The following RPRD2 variants were observed in gnomAD, a reference collection of about 807,000 sequenced individuals.
The protein encoded by RPRD2 is regulation of nuclear pre-mRNA domain containing 2.
In RPRD2, 12 loss-of-function variants were observed where a neutral mutation model predicts 104.4. The observed-to-expected ratio is 0.11, with a 90% CI of 0.07 to 0.19. The LOEUF is 0.19. Among genes scored for constraint, RPRD2 ranks in the 10% least tolerant of loss-of-function variants. The pLI, the probability that RPRD2 is intolerant of heterozygous loss-of-function variation, is 1.00. For missense variants in RPRD2, 1,543 were observed against 1,790.1 expected (o/e 0.86, Z 2.49); for synonymous variants, 714 against 684.9 (o/e 1.04, Z -0.66).
At chr1:150,415,132 C>T (rs1664238842) in intron 1 of RPRD2, among the ~76,000 whole-genome samples, 1 of 152,080 alleles carries the variant, frequency 6.6e-6, no homozygotes, top group African/African-American at 2.4e-5. Context: ...CAAGACCAGC[C>T]TGCCAGCATA....
intron 2 of RPRD2, among the ~76,000 whole-genome samples, chr1:150,419,550 CTAAA>C (rs771047369): frequency 2.0e-5 from 3 of 152,130 alleles, no homozygotes; most frequent in Non-Finnish European, 4.4e-5. Flanking sequence ...TTATAATTGA[CTAAA>C]TATTATACAA....
At chr1:150,452,661 C>CTTTTTTTTTT (rs782322743) in intron 7 of RPRD2, among the ~76,000 whole-genome samples, 13 of 71,232 alleles carry the variant, frequency 1.8e-4, no homozygotes, top group South Asian at 5.7e-4. Flanking sequence ...GACATATCCC[C>CTTTTTTTTTT]TTTTTTTTTT....
chr1:150,427,017 C>T (rs780315869), intron 2 of RPRD2, among the ~76,000 whole-genome samples: 2 of 151,974 alleles, frequency 1.3e-5, no homozygotes, highest in Non-Finnish European at 2.9e-5. Context: ...TGGTGGCATG[C>T]GCCTGTAGTT....
At chr1:150,417,804 T>C (rs1156804797) in intron 2 of RPRD2, 79 bp downstream of exon 2, 16 of 1,132,126 alleles carry the variant, frequency 1.4e-5, no homozygotes, top group Non-Finnish European at 1.9e-5. Context: ...TTAAGAACTG[T>C]AATAATTGAA....
chr1:150,422,735 A>G (rs1021497663), intron 2 of RPRD2, among the ~76,000 whole-genome samples: 13 of 152,238 alleles, frequency 8.5e-5, no homozygotes, highest in Non-Finnish European at 1.3e-4. Context: ...ATTGCTGACA[A>G]AACACATTTG....
chr1:150,374,990 C>G (rs1450360684), intron 1 of RPRD2, among the ~76,000 whole-genome samples: 8 of 150,000 alleles, frequency 5.3e-5, no homozygotes, highest in Non-Finnish European at 1.0e-4. Context: ...CTCTCCCTCC[C>G]CTTTAGATGC....
At chr1:150,405,444 A>G (rs955433803) in intron 1 of RPRD2, among the ~76,000 whole-genome samples, 7 of 152,220 alleles carry the variant, frequency 4.6e-5, no homozygotes, top group African/African-American at 1.2e-4. Context: ...AGAAATATAT[A>G]TATGCATGAT....
intron 2 of RPRD2, among the ~76,000 whole-genome samples, chr1:150,433,815 T>C (rs1665796646): frequency 6.8e-6 from 1 of 148,026 alleles, no homozygotes; most frequent in Non-Finnish European, 1.5e-5. Context: ...ATATGTATAA[T>C]ATATGTAATA....
intron 10 of RPRD2, among the ~76,000 whole-genome samples, chr1:150,466,047 G>A (rs114378599): frequency 0.03 from 4,286 of 144,522 alleles, 233 homozygotes; most frequent in African/African-American, 0.1. Flanking sequence ...TTTTTATGAC[G>A]CTTCAAGAAC....
chr1:150,464,786 A>G, intron 10 of RPRD2, 59 bp downstream of exon 10: 1 of 1,304,304 alleles, frequency 7.7e-7, no homozygotes, highest in Non-Finnish European at 1.1e-6. Context: ...GCTTAAATTA[A>G]TCCTGGATTC....
At chr1:150,385,260 G>C (rs1463799100) in intron 1 of RPRD2, among the ~76,000 whole-genome samples, 1 of 152,032 alleles carries the variant, frequency 6.6e-6, no homozygotes, top group Non-Finnish European at 1.5e-5. Flanking sequence ...CTGGGAGTTT[G>C]AGATCAGCTG....
chr1:150,404,817 C>T (rs1452312661), intron 1 of RPRD2, among the ~76,000 whole-genome samples: 3 of 152,138 alleles, frequency 2.0e-5, no homozygotes, highest in African/African-American at 4.8e-5. Flanking sequence ...TCAAGAGTTC[C>T]TATCCAGAAT....
chr1:150,425,381 C>T (rs587737125), intron 2 of RPRD2, among the ~76,000 whole-genome samples: 9 of 152,204 alleles, frequency 5.9e-5, no homozygotes, highest in South Asian at 4.1e-4. Flanking sequence ...AGGTGGCTCA[C>T]GCCTGTAATC....
At chr1:150,374,628 T>TC (rs782761525) in intron 1 of RPRD2, among the ~76,000 whole-genome samples, 3 of 152,184 alleles carry the variant, frequency 2.0e-5, no homozygotes, top group African/African-American at 2.4e-5. Flanking sequence ...TAGCTGGTGT[T>TC]CATTGCAGAA....
chr1:150,407,124 T>C (rs1205293585), intron 1 of RPRD2, among the ~76,000 whole-genome samples: 1 of 152,226 alleles, frequency 6.6e-6, no homozygotes, highest in Non-Finnish European at 1.5e-5. Context: ...GTAGAGCATA[T>C]GGTATTCACA....
At chr1:150,448,608 C>G (rs587650420) in intron 7 of RPRD2, among the ~76,000 whole-genome samples, 1 of 152,186 alleles carries the variant, frequency 6.6e-6, no homozygotes, top group Non-Finnish European at 1.5e-5. Context: ...AAACATTGTT[C>G]ATTGCAAGGT....
rs1668517255 is a variant in RPRD2, at chr1:150,470,456, T to G, written c.1613-105T>G. On this transcript the variant is annotated intron_variant, in intron 10 of 10. Transcript: ENST00000369068. The stretch of plus-strand genomic sequence containing the variant: ...TCCTTTTGGCCTTACACTTTGTCTA[T>G]CTGGTTCCCACCAAAATGAATGAGA... 2.5e-6 allele frequency: 3 copies of G among 1,208,700 alleles called. No individual in the cohort carries two copies. The South Asian group carries it at 4.8e-5, about 19-fold the overall frequency. The allele number at this position is 1,208,700 out of a possible 1,614,324, so 74.9% of individuals were successfully genotyped here. A position where few individuals can be genotyped will look rare whatever the true frequency, so the allele number is the denominator to read the frequency against.
At chr1:150,385,883 T>C (rs1257291338) in intron 1 of RPRD2, among the ~76,000 whole-genome samples, 2 of 152,172 alleles carry the variant, frequency 1.3e-5, no homozygotes, top group Non-Finnish European at 1.5e-5. Context: ...AGGGCTTTTT[T>C]CCCCCTTGGG....
intron 1 of RPRD2, among the ~76,000 whole-genome samples, chr1:150,409,337 G>T (rs1458770240): frequency 6.6e-6 from 1 of 152,100 alleles, no homozygotes; most frequent in Non-Finnish European, 1.5e-5. Context: ...AGTCTTAGGG[G>T]ATTGTTAGCC....
Sources: allele counts gnomAD v4.1 joint callset (sites outside exome capture counted in the v4.1 genomes callset), GRCh38; gene constraint gnomAD v4.1.1; transcripts MANE v1.5; gene names NCBI Gene and HGNC (gene_info 2026-07-23, HGNC 2026-07-21).